The following NEXMIF variants were observed in gnomAD, a reference collection of about 807,000 sequenced individuals.
The protein encoded by NEXMIF is XLMR protein related to neurite extension.
A neutral mutation model predicts 62.1 loss-of-function variants in NEXMIF; 8 were observed. The observed-to-expected ratio is 0.13, with a 90% CI of 0.08 to 0.23. The LOEUF (loss-of-function observed/expected upper bound fraction) is 0.23. NEXMIF is among the 10% of genes least tolerant of loss of function. The pLI is 1.00. For synonymous variants in NEXMIF, 404 were observed against 416.6 expected (o/e 0.97, Z 0.37); for missense variants, 976 against 1,113.3 (o/e 0.88, Z 1.75).
intron 1 of NEXMIF, among the ~76,000 whole-genome samples, chrX:74,794,807 G>A (rs1481493828): frequency 8.9e-6 from 1 of 111,897 alleles, no homozygotes; most frequent in East Asian, 2.8e-4. Context: ...CGCTTCCCAA[G>A]TGAGGCAATG....
intron 1 of NEXMIF, among the ~76,000 whole-genome samples, chrX:74,839,808 C>T (rs921455364): frequency 2.7e-5 from 3 of 112,372 alleles, no homozygotes; most frequent in African/African-American, 9.7e-5. Flanking sequence ...GTTATCCAAT[C>T]TGTCATTGAT....
intron 1 of NEXMIF, among the ~76,000 whole-genome samples, chrX:74,826,826 T>C (rs2080419848): frequency 8.9e-6 from 1 of 111,897 alleles, no homozygotes; most frequent in Admixed American, 9.5e-5. Context: ...TTGGACTAGA[T>C]GAATTTCTAA....
At chrX:74,872,479 T>C (rs2147505121) in intron 1 of NEXMIF, among the ~76,000 whole-genome samples, 1 of 109,004 alleles carries the variant, frequency 9.2e-6, no homozygotes, top group African/African-American at 3.3e-5. Flanking sequence ...AGTTAGTGGT[T>C]ACAAAAAATC....
intron 1 of NEXMIF, among the ~76,000 whole-genome samples, chrX:74,864,409 C>T (rs900726498): frequency 2.7e-5 from 3 of 112,146 alleles, no homozygotes; most frequent in Non-Finnish European, 5.6e-5. Flanking sequence ...TGTGTCCCCA[C>T]CCAAACCACA....
chrX:74,885,995 T>C (rs2080691128), intron 1 of NEXMIF, among the ~76,000 whole-genome samples: 1 of 111,872 alleles, frequency 8.9e-6, no homozygotes, highest in African/African-American at 3.3e-5. Context: ...TGGTTCAACA[T>C]ATGCAAATCA....
At chrX:74,852,559 C>T (rs1446920742) in intron 1 of NEXMIF, among the ~76,000 whole-genome samples, 1 of 111,677 alleles carries the variant, frequency 9.0e-6, no homozygotes, top group African/African-American at 3.3e-5. Context: ...AGATATAGGC[C>T]ACACAACAAA....
At chrX:74,781,938 G>A (rs1379131428) in intron 1 of NEXMIF, among the ~76,000 whole-genome samples, 1 of 112,460 alleles carries the variant, frequency 8.9e-6, no homozygotes, top group African/African-American at 3.2e-5. Flanking sequence ...TATTCTGGAG[G>A]ACAAGACAGG....
intron 1 of NEXMIF, among the ~76,000 whole-genome samples, chrX:74,813,363 A>C (rs755386043): frequency 9.8e-5 from 11 of 112,265 alleles, no homozygotes; most frequent in Non-Finnish European, 1.9e-4. Context: ...AAGAAAAAAA[A>C]CATGCTATAA....
chrX:74,768,092 G>A (rs181194895), intron 1 of NEXMIF, among the ~76,000 whole-genome samples: 207 of 111,534 alleles, frequency 1.9e-3, no homozygotes, highest in Middle Eastern at 4.7e-3. Flanking sequence ...ACTCCACATA[G>A]CTTTGTGTGT....
intron 1 of NEXMIF, among the ~76,000 whole-genome samples, chrX:74,886,953 T>G (rs1024289099): frequency 3.6e-5 from 4 of 110,361 alleles, no homozygotes; most frequent in Admixed American, 9.6e-5. Flanking sequence ...AAAACAGAGA[T>G]ATAGACCAAT....
rs1449169269 is a variant in NEXMIF, at chrX:74,873,800, A to G, written c.-48+51083T>C. ...CTGCATAAATGTCTTTTTTTCAGAA[A>G]TGTCTGTTCATGTCCTTCACCCACT... is the stretch of plus-strand genomic sequence containing the variant. On this transcript the variant is annotated intron_variant, in intron 1 of 3. Transcript: ENST00000055682. Among the ~76,000 whole-genome samples, 379 of 111,655 alleles carry G rather than the reference A, an allele frequency of 3.4e-3. 2 individuals carry two copies. The highest frequency in any genetic ancestry group is 0.012 in the African/African-American group (361 of 30,741).
chrX:74,861,260 C>G (rs1229545028), intron 1 of NEXMIF, among the ~76,000 whole-genome samples: 1 of 111,692 alleles, frequency 9.0e-6, no homozygotes, highest in Non-Finnish European at 1.9e-5. Flanking sequence ...TGAAGACTAT[C>G]TTGCTGAAAT....
At chrX:74,833,383 T>G (rs957446806) in intron 1 of NEXMIF, among the ~76,000 whole-genome samples, 6 of 111,879 alleles carry the variant, frequency 5.4e-5, no homozygotes, top group Non-Finnish European at 7.5e-5. Context: ...CTTCTTAGAG[T>G]GTTTATAGCT....
At chrX:74,876,901 G>T (rs1240670667) in intron 1 of NEXMIF, among the ~76,000 whole-genome samples, 1 of 110,585 alleles carries the variant, frequency 9.0e-6, no homozygotes, top group Non-Finnish European at 1.9e-5. Context: ...ATGTGAGATG[G>T]GTTTCCCGAA....
intron 1 of NEXMIF, among the ~76,000 whole-genome samples, chrX:74,900,810 A>G (rs2080747321): frequency 8.9e-6 from 1 of 112,524 alleles, no homozygotes; most frequent in Admixed American, 9.4e-5. Flanking sequence ...ACAATAGAAT[A>G]TTATTCAGCC....
chrX:74,884,689 T>C (rs1437234425), intron 1 of NEXMIF, among the ~76,000 whole-genome samples: 2 of 111,168 alleles, frequency 1.8e-5, no homozygotes, highest in Non-Finnish European at 3.8e-5. Flanking sequence ...TCCCACACAA[T>C]AATAATGGGA....
chrX:74,744,940 T>TCTCTCTCC (rs1328376842), intron 2 of NEXMIF, among the ~76,000 whole-genome samples: 1 of 103,189 alleles, frequency 9.7e-6, no homozygotes, highest in Admixed American at 1.1e-4. Flanking sequence ...CCTCTCTCTC[T>TCTCTCTCC]CTCTCTCTCT....
At chrX:74,858,207 G>T (rs2080542458) in intron 1 of NEXMIF, among the ~76,000 whole-genome samples, 1 of 112,238 alleles carries the variant, frequency 8.9e-6, no homozygotes, top group African/African-American at 3.2e-5. Context: ...GGGACCTTGG[G>T]TGAGACCCAG....
At chrX:74,828,396 A>G (rs1311274404) in intron 1 of NEXMIF, among the ~76,000 whole-genome samples, 1 of 112,103 alleles carries the variant, frequency 8.9e-6, no homozygotes, top group Non-Finnish European at 1.9e-5. Context: ...TTGCTGTGCT[A>G]CAGGTATCCA....
Sources: gnomAD v4.1 joint callset for allele counts (sites outside exome capture counted in the v4.1 genomes callset) on GRCh38, gnomAD v4.1.1 for gene constraint, MANE v1.5 for transcripts, NCBI Gene and HGNC (gene_info 2026-07-23, HGNC 2026-07-21) for gene names.